The following BTBD9 variants were observed in gnomAD, a reference collection of about 807,000 sequenced individuals.
BTBD9 encodes the protein BTB/POZ domain-containing protein 9.
In BTBD9, 49 loss-of-function variants were observed where a neutral mutation model predicts 64.3. The observed-to-expected ratio is 0.76, with a 90% CI of 0.61 to 0.97. The LOEUF (loss-of-function observed/expected upper bound fraction) is 0.97. Among genes scored for constraint, BTBD9 ranks in the 50% least tolerant of loss-of-function variants. The pLI is 0.00. For synonymous variants in BTBD9, 260 were observed against 274.7 expected (o/e 0.95, Z 0.53); for missense variants, 598 against 762.1 (o/e 0.78, Z 2.53).
intron 7 of BTBD9, among the ~76,000 whole-genome samples, chr6:38,314,296 C>T (rs545295875): frequency 7.9e-5 from 12 of 151,502 alleles, no homozygotes; most frequent in Non-Finnish European, 1.2e-4. Flanking sequence ...CCCGGGTTCA[C>T]GCCATTCTCC....
intron 6 of BTBD9, among the ~76,000 whole-genome samples, chr6:38,395,935 T>G (rs907026967): frequency 6.6e-6 from 1 of 152,180 alleles, no homozygotes; most frequent in African/African-American, 2.4e-5. Flanking sequence ...GGTCTCGATC[T>G]CCTGACCTCG....
intron 6 of BTBD9, among the ~76,000 whole-genome samples, chr6:38,508,008 T>C (rs887177342): frequency 6.6e-6 from 1 of 152,000 alleles, no homozygotes; most frequent in Non-Finnish European, 1.5e-5. Flanking sequence ...TAATTTTTTG[T>C]ATTTTTAGTA....
At chr6:38,475,550 C>G (rs1770840736) in intron 6 of BTBD9, among the ~76,000 whole-genome samples, 1 of 152,200 alleles carries the variant, frequency 6.6e-6, no homozygotes. Context: ...CTGCCTTTAG[C>G]TCTCATCTTC....
At chr6:38,299,470 T>C (rs887331826) in intron 7 of BTBD9, among the ~76,000 whole-genome samples, 23 of 152,292 alleles carry the variant, frequency 1.5e-4, no homozygotes, top group Admixed American at 1.0e-3. Context: ...TACAGCCCCA[T>C]CAACAGTGTA....
chr6:38,618,522 C>T (rs1380317999), intron 1 of BTBD9, among the ~76,000 whole-genome samples: 1 of 152,172 alleles, frequency 6.6e-6, no homozygotes, highest in Non-Finnish European at 1.5e-5. Context: ...CTCCTCTAAT[C>T]TCCCCCACCC....
At chr6:38,334,737 G>A (rs1389817558) in intron 7 of BTBD9, among the ~76,000 whole-genome samples, 1 of 151,980 alleles carries the variant, frequency 6.6e-6, no homozygotes, top group African/African-American at 2.4e-5. Context: ...ACTACTATAT[G>A]TATCCATCCT....
chr6:38,213,640 T>C (rs1280427727), intron 9 of BTBD9, among the ~76,000 whole-genome samples: 1 of 152,146 alleles, frequency 6.6e-6, no homozygotes, highest in Non-Finnish European at 1.5e-5. Flanking sequence ...TGTAACAATC[T>C]TTCTTCTGGG....
chr6:38,545,682 G>A (rs992737807), intron 6 of BTBD9, among the ~76,000 whole-genome samples: 9 of 150,724 alleles, frequency 6.0e-5, no homozygotes, highest in East Asian at 5.9e-4. Context: ...GGGAGGCTGA[G>A]GCAGGAGAAT....
chr6:38,370,223 C>A (rs553320571), intron 6 of BTBD9, among the ~76,000 whole-genome samples: 58 of 152,254 alleles, frequency 3.8e-4, no homozygotes, highest in African/African-American at 1.3e-3. Flanking sequence ...GTTTCATAGC[C>A]AGTATTACTC....
intron 6 of BTBD9, among the ~76,000 whole-genome samples, chr6:38,441,833 G>A (rs891286335): frequency 4.8e-4 from 73 of 152,130 alleles, no homozygotes; most frequent in African/African-American, 1.8e-3. Flanking sequence ...AACAACCTAT[G>A]AAGTGGATGT....
At chr6:38,253,736 G>A (rs1265485391) in intron 9 of BTBD9, among the ~76,000 whole-genome samples, 2 of 152,146 alleles carry the variant, frequency 1.3e-5, no homozygotes, top group African/African-American at 4.8e-5. Context: ...CATGGGCCGT[G>A]GAGGCCCTCG....
At chr6:38,635,337 T>C (rs1436917434) in intron 1 of BTBD9, among the ~76,000 whole-genome samples, 3 of 152,138 alleles carry the variant, frequency 2.0e-5, no homozygotes, top group Non-Finnish European at 4.4e-5. Flanking sequence ...GGTTTCACCA[T>C]GTTGGCCAGG....
intron 9 of BTBD9, among the ~76,000 whole-genome samples, chr6:38,250,640 T>A (rs1764358478): frequency 6.6e-6 from 1 of 152,168 alleles, no homozygotes; most frequent in Admixed American, 6.5e-5. Flanking sequence ...AAAATAACTA[T>A]CACAATGTCA....
At chr6:38,340,879 C>T (rs1764071375) in intron 7 of BTBD9, among the ~76,000 whole-genome samples, 1 of 152,176 alleles carries the variant, frequency 6.6e-6, no homozygotes, top group African/African-American at 2.4e-5. Context: ...ATACACACAA[C>T]ACTACCTATG....
At chr6:38,371,114 T>C (rs773061100) in intron 6 of BTBD9, among the ~76,000 whole-genome samples, 97 of 152,120 alleles carry the variant, frequency 6.4e-4, no homozygotes, top group Non-Finnish European at 1.1e-3. Context: ...ACTGACTGAG[T>C]GGTCAGCAAA....
intron 6 of BTBD9, among the ~76,000 whole-genome samples, chr6:38,558,330 T>C (rs1775116324): frequency 6.6e-6 from 1 of 152,104 alleles, no homozygotes. Context: ...TATAGAATCA[T>C]ACTGTCAATG....
chr6:38,362,735 G>A (rs1284989761), intron 6 of BTBD9, among the ~76,000 whole-genome samples: 6 of 152,188 alleles, frequency 3.9e-5, no homozygotes, highest in Non-Finnish European at 7.3e-5. Flanking sequence ...GATGAGTATA[G>A]CAGAAGAAAG....
intron 9 of BTBD9, among the ~76,000 whole-genome samples, chr6:38,197,128 T>G (rs1395365109): frequency 6.6e-6 from 1 of 152,200 alleles, no homozygotes; most frequent in Non-Finnish European, 1.5e-5. Flanking sequence ...CCTAAAAGAC[T>G]TCCCCATCCA....
intron 7 of BTBD9, among the ~76,000 whole-genome samples, chr6:38,295,939 T>C (rs1249287825): frequency 1.3e-5 from 2 of 152,060 alleles, no homozygotes; most frequent in South Asian, 2.1e-4. Flanking sequence ...ATCCCAGCTA[T>C]TGGGAGGCTG....
Sources: gnomAD v4.1 joint callset for allele counts (sites outside exome capture counted in the v4.1 genomes callset) on GRCh38, gnomAD v4.1.1 for gene constraint, MANE v1.5 for transcripts, NCBI Gene and HGNC (gene_info 2026-07-23, HGNC 2026-07-21) for gene names.